Variants in BTBD9 observed in about 807,000 individuals in gnomAD.
BTBD9 encodes the protein BTB domain containing 9, also known as BTB/POZ domain-containing protein 9.
A neutral mutation model predicts 64.3 loss-of-function variants in BTBD9; 49 were observed. The observed-to-expected ratio is 0.76, with a 90% CI of 0.61 to 0.97. The LOEUF (loss-of-function observed/expected upper bound fraction) is 0.97, where lower values mean the gene tolerates loss of function less well. Ranked by LOEUF, BTBD9 falls within the 50% of genes least tolerant of loss-of-function variation. BTBD9 has a pLI of 0.00. For synonymous variants in BTBD9, 260 were observed against 274.7 expected (o/e 0.95, Z 0.53); for missense variants, 598 against 762.1 (o/e 0.78, Z 2.53).
At chr6:38,469,555 C>G (rs1040709518) in intron 6 of BTBD9, among the ~76,000 whole-genome samples, 33 of 152,064 alleles carry the variant, frequency 2.2e-4, no homozygotes, top group Non-Finnish European at 4.0e-4. Context: ...CTCCTGACCT[C>G]ATGATCCGCC....
intron 7 of BTBD9, among the ~76,000 whole-genome samples, chr6:38,336,366 A>G (rs1763890068): frequency 6.6e-6 from 1 of 152,200 alleles, no homozygotes; most frequent in South Asian, 2.1e-4. Flanking sequence ...TAGTAAAGAA[A>G]AGAGGTTTAA....
At chr6:38,593,722 A>G (rs773056941) in intron 3 of BTBD9, among the ~76,000 whole-genome samples, 1 of 152,216 alleles carries the variant, frequency 6.6e-6, no homozygotes, top group African/African-American at 2.4e-5. Context: ...ACAGCAGCAC[A>G]GTCTCTTTTG....
At chr6:38,575,237 C>T (rs947278219) in intron 6 of BTBD9, among the ~76,000 whole-genome samples, 8 of 152,178 alleles carry the variant, frequency 5.3e-5, no homozygotes, top group African/African-American at 1.9e-4. Context: ...CTCTTCATTA[C>T]ATAGTCATTG....
At chr6:38,528,833 A>T (rs1235758408) in intron 6 of BTBD9, among the ~76,000 whole-genome samples, 1 of 152,164 alleles carries the variant, frequency 6.6e-6, no homozygotes, top group Admixed American at 6.5e-5. Flanking sequence ...TGCTGGCTTC[A>T]GGTGTGTGAC....
At chr6:38,483,994 T>C (rs1350640956) in intron 6 of BTBD9, among the ~76,000 whole-genome samples, 2 of 152,256 alleles carry the variant, frequency 1.3e-5, no homozygotes, top group East Asian at 1.9e-4. Flanking sequence ...CAATGTAAAC[T>C]GCGTTAAGCA....
chr6:38,483,183 T>G (rs539571957), intron 6 of BTBD9, among the ~76,000 whole-genome samples: 2 of 152,156 alleles, frequency 1.3e-5, no homozygotes, highest in East Asian at 3.9e-4. Context: ...ATCTTCTACA[T>G]GTATTGCTAC....
intron 10 of BTBD9, among the ~76,000 whole-genome samples, chr6:38,190,003 G>A (rs1761987701): frequency 1.4e-5 from 2 of 144,360 alleles, no homozygotes; most frequent in Admixed American, 7.0e-5. Context: ...GTAGAGACAA[G>A]GTCTCACTAT....
At chr6:38,394,078 T>C (rs1011572594) in intron 6 of BTBD9, among the ~76,000 whole-genome samples, 2 of 152,128 alleles carry the variant, frequency 1.3e-5, no homozygotes, top group African/African-American at 4.8e-5. Context: ...AACCAGCAAC[T>C]ATTTACTGAG....
chr6:38,527,270 A>AAAAAAC, intron 6 of BTBD9, among the ~76,000 whole-genome samples: 1 of 80,774 alleles, frequency 1.2e-5, no homozygotes, highest in Non-Finnish European at 3.0e-5. Context: ...TCTCAAAAAA[A>AAAAAAC]AAAAAAAAAA....
chr6:38,639,819 G>C lies in BTBD9; in HGVS notation c.-47C>G, dbSNP rs1387585247. ...ACTCACCCCAGCGATGCTCCTCTGA[G>C]ACCAAGCTGCGACACAGACGCCTCT... On this transcript the variant is annotated 5_prime_UTR_variant, in exon 1 of 11. Transcript: ENST00000481247. The C allele has an allele frequency of 6.6e-6, 1 of 152,186 alleles. No individual in the cohort carries two copies. Among genetic ancestry groups the C allele is most frequent in the Non-Finnish European group, 1.5e-5 (1 of 68,166 alleles). The allele number at this position is 152,186 out of a possible 1,614,324, so 9.4% of individuals were successfully genotyped here.
chr6:38,187,548 C>T (rs1761870843), intron 10 of BTBD9, among the ~76,000 whole-genome samples: 1 of 152,098 alleles, frequency 6.6e-6, no homozygotes, highest in South Asian at 2.1e-4. Context: ...AAAGAAAAAG[C>T]CACACGTGAG....
At chr6:38,494,897 C>CT in intron 6 of BTBD9, among the ~76,000 whole-genome samples, 1 of 152,206 alleles carries the variant, frequency 6.6e-6, no homozygotes, top group East Asian at 1.9e-4. Flanking sequence ...AGAGTAAACA[C>CT]TTATAATATT....
At chr6:38,405,291 C>A (rs1767114221) in intron 6 of BTBD9, among the ~76,000 whole-genome samples, 1 of 152,046 alleles carries the variant, frequency 6.6e-6, no homozygotes, top group Non-Finnish European at 1.5e-5. Context: ...GGAAGAAAAT[C>A]TGGAAACTGG....
intron 6 of BTBD9, among the ~76,000 whole-genome samples, chr6:38,522,385 C>T (rs1448333509): frequency 4.6e-5 from 7 of 152,246 alleles, no homozygotes. Flanking sequence ...ACTGAAACTT[C>T]ACTTAATAAG....
chr6:38,297,391 CTA>C lies in BTBD9; in HGVS notation c.1265-8932_1265-8931del, dbSNP rs1205849341. On this transcript the variant is annotated intron_variant, in intron 7 of 10. Coordinates refer to ENST00000481247, the MANE Select transcript of BTBD9 (RefSeq NM_001099272.2). ...AGAAAAAAAAAATCTCCTGTTATGA[CTA>C]TGACTATAGATTTGTCAGTTTTTCC... 2.6e-5 allele frequency among the ~76,000 whole-genome samples: 4 copies of C among 152,060 alleles called. No homozygotes were observed. In the East Asian group the frequency reaches 7.7e-4, roughly 29 times the overall value.
chr6:38,171,452 TTTA>T lies in BTBD9; in HGVS notation c.*3530_*3532del, dbSNP rs1766754436. 1 of 152,084 alleles carries T rather than the reference TTTA, an allele frequency of 6.6e-6. No individual in the cohort carries two copies. Among genetic ancestry groups the T allele is most frequent in the African/African-American group, 2.4e-5 (1 of 41,384 alleles). The allele number at this position is 152,084 out of a possible 1,614,324, so 9.4% of individuals were successfully genotyped here. A position where few individuals can be genotyped will look rare whatever the true frequency, so the allele number is the denominator to read the frequency against. The stretch of plus-strand genomic sequence containing the variant: ...TTTAATAGGATTTAAAAAGTGACAA[TTTA>T]AAGAGCAATTGAGAAGAGTCCCACA... On this transcript the variant is annotated 3_prime_UTR_variant, in exon 11 of 11. Transcript: ENST00000481247.
In BTBD9 at chr6:38,190,643, G is replaced by C. The variant is rs965917554; in HGVS notation, c.1641+1876C>G. Among the ~76,000 whole-genome samples, 10 of 152,112 alleles carry C rather than the reference G, an allele frequency of 6.6e-5. No individual in the cohort carries two copies. The South Asian group carries it at 2.1e-3, about 31-fold the overall frequency. ...CTATCCAACCCATTTAAAATGGCTG[G>C]TCCAATCTCCACCAAAGTGGTTGGG... On this transcript the variant is annotated intron_variant, in intron 10 of 10. Coordinates refer to ENST00000481247, the MANE Select transcript of BTBD9 (RefSeq NM_001099272.2).
At chr6:38,313,861 T>C (rs1192454965) in intron 7 of BTBD9, among the ~76,000 whole-genome samples, 2 of 151,448 alleles carry the variant, frequency 1.3e-5, no homozygotes, top group Non-Finnish European at 2.9e-5. Context: ...GTGATTCTCC[T>C]GCCTCAGCCT....
intron 6 of BTBD9, among the ~76,000 whole-genome samples, chr6:38,531,309 G>C (rs1275686054): frequency 6.6e-6 from 1 of 152,116 alleles, no homozygotes; most frequent in Non-Finnish European, 1.5e-5. Flanking sequence ...TACTGAAGGA[G>C]AAAAACTTTT....
Sources: allele counts gnomAD v4.1 joint callset (sites outside exome capture counted in the v4.1 genomes callset), GRCh38; gene constraint gnomAD v4.1.1; transcripts MANE v1.5; gene names NCBI Gene and HGNC (gene_info 2026-07-23, HGNC 2026-07-21).